SYT12: variants seen among roughly 807,000 people sequenced by gnomAD.
SYT12 encodes synaptotagmin-12.
In SYT12, 27 loss-of-function variants were observed where a neutral mutation model predicts 39.5. The ratio of observed to expected loss-of-function variants is 0.68; its 90% CI spans 0.50 to 0.94. The LOEUF (loss-of-function observed/expected upper bound fraction) is 0.94. Among genes scored for constraint, SYT12 ranks in the 40% least tolerant of loss-of-function variants. The probability of loss-of-function intolerance (pLI) is 0.00; values close to 1 mark genes in which losing one functional copy is unlikely to be tolerated. For synonymous variants in SYT12, 233 were observed against 239.7 expected (o/e 0.97, Z 0.26); for missense variants, 536 against 572.6 (o/e 0.94, Z 0.65).
intron 3 of SYT12, among the ~76,000 whole-genome samples, chr11:67,035,860 TTCTTTC>T (rs1950366878): frequency 7.4e-6 from 1 of 135,932 alleles, no homozygotes; most frequent in Non-Finnish European, 1.5e-5. Context: ...CTTTCTTTCT[TTCTTTC>T]TTTCTTTCTT....
At chr11:67,013,579 A>G (rs1950030324) in intron 3 of SYT12, among the ~76,000 whole-genome samples, 1 of 151,226 alleles carries the variant, frequency 6.6e-6, no homozygotes, top group South Asian at 2.1e-4. Context: ...CCTGGCCCAC[A>G]AGCCCCCTCC....
chr11:67,008,989 C>T (rs1476194220), intron 1 of SYT12, among the ~76,000 whole-genome samples: 2 of 152,078 alleles, frequency 1.3e-5, no homozygotes, highest in South Asian at 2.1e-4. Context: ...TATATAAGGA[C>T]TTCATGCATG....
chr11:67,025,581 A>C (rs1950170490), intron 1 of SYT12, among the ~76,000 whole-genome samples: 1 of 152,130 alleles, frequency 6.6e-6, no homozygotes, highest in South Asian at 2.1e-4. Context: ...CCAAAGACAC[A>C]GTCCTTCTGC....
At chr11:67,033,162 A>T (rs1385091296) in intron 2 of SYT12, among the ~76,000 whole-genome samples, 1 of 102,992 alleles carries the variant, frequency 9.7e-6, no homozygotes, top group African/African-American at 3.6e-5. Context: ...TCCCCCGGCC[A>T]CTCTGCCCAC....
chr11:67,046,261 A>G (rs1854547214), intron 7 of SYT12, among the ~76,000 whole-genome samples: 1 of 152,122 alleles, frequency 6.6e-6, no homozygotes, highest in South Asian at 2.1e-4. Flanking sequence ...CCCAAGCTCC[A>G]TTTCAGGGTT....
exon 3 of SYT12, chr11:67,010,950 A>C (rs1460388198): frequency 2.6e-5 from 4 of 152,188 alleles, no homozygotes; most frequent in Non-Finnish European, 2.9e-5. Flanking sequence ...ACAGCACGCC[A>C]CACAAATATG....
upstream of SYT12, among the ~76,000 whole-genome samples, chr11:67,018,274 AT>A (rs1018627374): frequency 6.7e-5 from 10 of 149,842 alleles, no homozygotes; most frequent in East Asian, 5.9e-4. Flanking sequence ...AAAAAAAAAA[AT>A]TTTTTTTTTT....
chr11:67,035,002 CTTTTTTTT>C (rs11316433), intron 3 of SYT12, among the ~76,000 whole-genome samples, 164 bp downstream of exon 3: 2 of 112,104 alleles, frequency 1.8e-5, no homozygotes, highest in Admixed American at 9.1e-5. Flanking sequence ...ACATCTTCAA[CTTTTTTTT>C]TTTTTTTTTT....
rs758652256 is a variant in SYT12, at chr11:67,048,622, C to G, written c.1131C>G (p.Ser377Arg). 1.9e-6 allele frequency: 3 copies of G among 1,608,262 alleles called. No individual in the cohort carries two copies. The Admixed American group carries it at 5.0e-5, about 27-fold the overall frequency. ...SLRVTVAESSSDGRGDNVGHV... is the reference protein window; with the variant it reads ...SLRVTVAESSRDGRGDNVGHV... ...GCGTGACGGTGGCTGAGAGCAGCAG[C>G]GACGGCCGTGGGGACAACGTGGGCC... The change falls in exon 8 of 8, where the codon AGC becomes AGG. Residue 377 changes from serine to arginine, a missense_variant. Physicochemically the swap from Ser to Arg is moderately radical, Grantham distance 110 (BLOSUM62 -1). Coordinates refer to ENST00000527043, the MANE Select transcript of SYT12 (RefSeq NM_177963.4).
intron 3 of SYT12, among the ~76,000 whole-genome samples, chr11:67,039,362 G>A (rs1486483067): frequency 3.9e-5 from 6 of 151,974 alleles, no homozygotes; most frequent in African/African-American, 1.5e-4. Flanking sequence ...TGTAATCCCA[G>A]CACTTTGGGA....
chr11:67,042,576 C>A (rs989203851), intron 4 of SYT12, among the ~76,000 whole-genome samples: 4 of 152,208 alleles, frequency 2.6e-5, no homozygotes, highest in African/African-American at 9.7e-5. Flanking sequence ...ACCCAGGGTT[C>A]CATCCTCCTC....
chr11:67,009,459 C>T (rs12290429), intron 1 of SYT12, among the ~76,000 whole-genome samples: 5,612 of 152,146 alleles, frequency 0.037, 330 homozygotes, highest in African/African-American at 0.13. Flanking sequence ...ACCTGGCTAA[C>T]TTTTGTATTT....
At chr11:67,013,062 C>T (rs1391886716) in intron 3 of SYT12, among the ~76,000 whole-genome samples, 9 of 152,070 alleles carry the variant, frequency 5.9e-5, no homozygotes, top group South Asian at 2.1e-4. Context: ...CCCCAGAGTC[C>T]GGAAGGAAAG....
intron 7 of SYT12, 57 bp downstream of exon 7, chr11:67,045,934 C>T (rs576703072): frequency 1.1e-5 from 17 of 1,602,072 alleles, no homozygotes; most frequent in Admixed American, 5.2e-5. Context: ...CTGGGGCTGC[C>T]GCATCTCTCC....
At position 67,043,868 on chromosome 11, in the gene SYT12, T is replaced by G; in HGVS notation, c.837+15T>G. On this transcript the variant is annotated intron_variant, in intron 5 of 7. Transcript: ENST00000527043. ...ACCAGAACAAGGTAAGTGACTTGCC[T>G]GCTCGTCCACCTCGGAAGAGCGTGC... The G allele has an allele frequency of 6.2e-7, 1 of 1,612,928 alleles. No individual in the cohort carries two copies. Among genetic ancestry groups the G allele is most frequent in the Non-Finnish European group, 8.5e-7 (1 of 1,179,218 alleles).
At chr11:67,045,642 A>T in intron 6 of SYT12, 102 bp from the exon 7 acceptor site, 1 of 1,483,414 alleles carries the variant, frequency 6.7e-7, no homozygotes. Context: ...TCACAGCAAC[A>T]GTTAAGCATT....
At position 67,034,691 on chromosome 11, in the gene SYT12, G is replaced by A. The variant is rs1400391815; in HGVS notation, c.81G>A (p.Gly27=). ...GGGAGGTGGGTGTCTATGCTGCAGG[G>A]GCCCTGGCCCTGCTGGGAATCGCAG... ...PGWEVGVYAA[G]ALALLGIAAV... Residue 27 remains glycine (G), a synonymous_variant, in exon 3 of 8, where the codon GGG becomes GGA. Transcript: ENST00000527043. 2.5e-6 allele frequency: 4 copies of A among 1,602,624 alleles called. No individual in the cohort carries two copies. The highest frequency in any genetic ancestry group is 2.6e-6 in the Non-Finnish European group (3 of 1,175,560).
intron 2 of SYT12, chr11:67,032,376 C>G (rs1377151438): frequency 6.6e-6 from 1 of 152,366 alleles, no homozygotes; most frequent in Non-Finnish European, 1.5e-5. Context: ...ATCCCAGACA[C>G]AAAACCTGTT....
At chr11:67,030,572 G>A (rs1361043328) in intron 2 of SYT12, 1 of 192,604 alleles carries the variant, frequency 5.2e-6, no homozygotes, top group Non-Finnish European at 1.1e-5. Context: ...TAGATTCATG[G>A]GGCGTTAAAC....
Sources: gnomAD v4.1 joint callset for allele counts (sites outside exome capture counted in the v4.1 genomes callset) on GRCh38, gnomAD v4.1.1 for gene constraint, MANE v1.5 for transcripts, NCBI Gene and HGNC (gene_info 2026-07-23, HGNC 2026-07-21) for gene names.